Variants in RIMS2 observed in about 807,000 individuals in gnomAD.
RIMS2 encodes regulating synaptic membrane exocytosis 2.
In RIMS2, 59 loss-of-function variants were observed where a neutral mutation model predicts 174.4. That is an observed-to-expected ratio of 0.34 (90% CI 0.27 to 0.42). The LOEUF (loss-of-function observed/expected upper bound fraction) is 0.42, where lower values mean the gene tolerates loss of function less well. RIMS2 is among the 10% of genes least tolerant of loss of function. The pLI is 1.00. For missense variants in RIMS2, 1,620 were observed against 1,666.3 expected (o/e 0.97, Z 0.48); for synonymous variants, 606 against 572.5 (o/e 1.06, Z -0.84).
At chr8:103,931,235 T>C in intron 11 of RIMS2, 28 bp from the exon 14 acceptor site, 1 of 1,539,406 alleles carries the variant, frequency 6.5e-7, no homozygotes, top group South Asian at 1.2e-5. Context: ...AATGTTTGAA[T>C]TGATAAATGA....
chr8:103,907,821 C>T (rs1413574190), intron 4 of RIMS2, among the ~76,000 whole-genome samples: 1 of 151,682 alleles, frequency 6.6e-6, no homozygotes, highest in East Asian at 1.9e-4. Context: ...TCCCGGCTCA[C>T]TGCAAGTTCC....
In RIMS2 at chr8:103,876,376, A is replaced by G. The variant is rs567491234; in HGVS notation, c.699-8922A>G. Among the ~76,000 whole-genome samples, 26 of 150,472 alleles carry G rather than the reference A, an allele frequency of 1.7e-4. No individual in the cohort carries two copies. In the South Asian group the frequency reaches 5.5e-3, roughly 32 times the overall value. On this transcript the variant is annotated intron_variant, in intron 3 of 23. Coordinates refer to ENST00000504942, the Ensembl canonical transcript of RIMS2. ...GAACAAGGTATCCCTTCCCCAGTGT[A>G]TGGTTTTTTTTTAAATCCAAACTTA...
At chr8:103,665,196 A>G (rs559355588) in intron 1 of RIMS2, among the ~76,000 whole-genome samples, 1 of 152,372 alleles carries the variant, frequency 6.6e-6, no homozygotes, top group South Asian at 2.1e-4. Flanking sequence ...TGATGGGTGC[A>G]GCAAACCAAC....
At chr8:104,019,140 G>A (rs2096013641) in intron 19 of RIMS2, among the ~76,000 whole-genome samples, 1 of 152,156 alleles carries the variant, frequency 6.6e-6, no homozygotes. Context: ...AGAGGTTGCA[G>A]TGAGCCAAGA....
intron 1 of RIMS2, among the ~76,000 whole-genome samples, chr8:103,643,265 C>A (rs1377507785): frequency 6.6e-6 from 1 of 151,906 alleles, no homozygotes; most frequent in South Asian, 2.1e-4. Flanking sequence ...TTTTGATTCA[C>A]TCGTAGAGTT....
At chr8:103,729,904 A>C (rs2097570455) in intron 2 of RIMS2, among the ~76,000 whole-genome samples, 1 of 152,208 alleles carries the variant, frequency 6.6e-6, no homozygotes, top group African/African-American at 2.4e-5. Flanking sequence ...TGGTCAGAGA[A>C]GATACTTAAT....
At chr8:103,549,204 T>C (rs1402155187) in intron 1 of RIMS2, among the ~76,000 whole-genome samples, 2 of 151,630 alleles carry the variant, frequency 1.3e-5, no homozygotes, top group African/African-American at 2.4e-5. Flanking sequence ...GAAAAAATAT[T>C]AAGGGCAGCC....
chr8:103,854,939 G>A (rs1183552780), intron 3 of RIMS2, among the ~76,000 whole-genome samples: 2 of 152,036 alleles, frequency 1.3e-5, no homozygotes, highest in Non-Finnish European at 2.9e-5. Context: ...ATTGGTATTA[G>A]TTCTTCTTTG....
chr8:103,950,507 T>C (rs1392246023), intron 14 of RIMS2, among the ~76,000 whole-genome samples: 1 of 152,102 alleles, frequency 6.6e-6, no homozygotes, highest in Non-Finnish European at 1.5e-5. Flanking sequence ...TGACTCACCA[T>C]ATTAAACTAA....
chr8:103,551,261 G>C (rs1847765480), intron 1 of RIMS2, among the ~76,000 whole-genome samples: 1 of 152,134 alleles, frequency 6.6e-6, no homozygotes, highest in South Asian at 2.1e-4. Context: ...ACGATCAAGT[G>C]GGCTTCATCC....
At chr8:104,191,320 A>G (rs185745557) in intron 19 of RIMS2, among the ~76,000 whole-genome samples, 43 of 152,200 alleles carry the variant, frequency 2.8e-4, no homozygotes, top group Middle Eastern at 3.4e-3. Context: ...TTAAATTCCC[A>G]TGTTTATGAA....
At chr8:103,684,234 C>A (rs1019664566) in intron 1 of RIMS2, among the ~76,000 whole-genome samples, 8 of 152,158 alleles carry the variant, frequency 5.3e-5, no homozygotes, top group Non-Finnish European at 5.9e-5. Context: ...CAGCCCCTGG[C>A]AACCATTAAT....
chr8:103,647,888 T>G (rs954345236), intron 1 of RIMS2, among the ~76,000 whole-genome samples: 5 of 143,464 alleles, frequency 3.5e-5, no homozygotes, highest in African/African-American at 1.1e-4. Context: ...TTCATTGATT[T>G]TTTTTTGATT....
intron 19 of RIMS2, among the ~76,000 whole-genome samples, chr8:104,182,828 G>A (rs2098947876): frequency 1.3e-5 from 2 of 151,694 alleles, no homozygotes; most frequent in African/African-American, 4.8e-5. Context: ...TCTATGAAGT[G>A]AAGATAATAT....
chr8:103,658,662 C>G (rs1290354199), intron 1 of RIMS2, among the ~76,000 whole-genome samples: 4 of 152,144 alleles, frequency 2.6e-5, no homozygotes, highest in African/African-American at 4.8e-5. Flanking sequence ...AACATGAATT[C>G]AAGGGTCAAC....
At chr8:103,652,488 C>T (rs2096469448) in intron 1 of RIMS2, 136 bp from the exon 3 acceptor site, 13 of 448,264 alleles carry the variant, frequency 2.9e-5, no homozygotes, top group South Asian at 2.4e-4. Context: ...TTTTGACTGC[C>T]TGGATGATAA....
At chr8:103,743,176 A>G (rs959312177) in intron 2 of RIMS2, among the ~76,000 whole-genome samples, 10 of 152,192 alleles carry the variant, frequency 6.6e-5, no homozygotes, top group Non-Finnish European at 1.3e-4. Context: ...TACTTTTGTT[A>G]GCTGTTGACA....
At chr8:103,875,547 A>G (rs1336292806) in intron 3 of RIMS2, among the ~76,000 whole-genome samples, 1 of 152,070 alleles carries the variant, frequency 6.6e-6, no homozygotes, top group East Asian at 1.9e-4. Context: ...CATCTTTGCC[A>G]TCGTAAATTG....
At chr8:103,614,774 T>G (rs552390039) in intron 1 of RIMS2, among the ~76,000 whole-genome samples, 5 of 152,366 alleles carry the variant, frequency 3.3e-5, no homozygotes, top group Non-Finnish European at 7.3e-5. Context: ...TTGAATATTA[T>G]GCTTGTAACA....
Sources: gnomAD v4.1 joint callset for allele counts (sites outside exome capture counted in the v4.1 genomes callset) on GRCh38, gnomAD v4.1.1 for gene constraint, MANE v1.5 for transcripts, NCBI Gene and HGNC (gene_info 2026-07-23, HGNC 2026-07-21) for gene names.